The following CDH13 variants were observed in gnomAD, a reference collection of about 807,000 sequenced individuals.
The protein encoded by CDH13 is cadherin 13.
Under a neutral mutation model 63.8 loss-of-function variants are expected in CDH13, and 24 were observed. The observed-to-expected ratio is 0.38, with a 90% CI of 0.27 to 0.53. The LOEUF (loss-of-function observed/expected upper bound fraction) is 0.53. Among genes scored for constraint, CDH13 ranks in the 20% least tolerant of loss-of-function variants. CDH13 has a pLI of 0.85. For missense variants in CDH13, 1,049 were observed against 903.1 expected, an observed-to-expected ratio of 1.16 and a Z score of -2.07; for synonymous variants, 503 against 355.3, an observed-to-expected ratio of 1.42 and a Z score of -4.67.
chr16:83,681,579 C>A (rs552715340), intron 10 of CDH13, among the ~76,000 whole-genome samples: 2 of 152,148 alleles, frequency 1.3e-5, no homozygotes, highest in African/African-American at 4.8e-5. Context: ...TTCACTCCCT[C>A]CTACCCACCT....
chr16:82,800,797 G>A (rs920807639), intron 1 of CDH13, among the ~76,000 whole-genome samples: 2 of 152,134 alleles, frequency 1.3e-5, no homozygotes, highest in African/African-American at 4.8e-5. Context: ...TCTGGTATTT[G>A]GGAGTCTCAG....
At chr16:83,643,805 C>G (rs1123321) in intron 8 of CDH13, among the ~76,000 whole-genome samples, 42,126 of 152,084 alleles carry the variant, frequency 0.28, 5,900 homozygotes, top group South Asian at 0.36. Flanking sequence ...TTACGTTAAT[C>G]ATAATGTCAA....
At chr16:83,074,473 C>T (rs1474363425) in intron 3 of CDH13, among the ~76,000 whole-genome samples, 3 of 151,984 alleles carry the variant, frequency 2.0e-5, no homozygotes, top group Non-Finnish European at 2.9e-5. Flanking sequence ...TGCATGTATC[C>T]CTTTGATAGA....
At chr16:82,988,891 A>G (rs1264448552) in intron 2 of CDH13, among the ~76,000 whole-genome samples, 5 of 152,144 alleles carry the variant, frequency 3.3e-5, no homozygotes, top group East Asian at 1.9e-4. Flanking sequence ...CAGAGAGGAC[A>G]TCAGGTCAGA....
intron 4 of CDH13, among the ~76,000 whole-genome samples, chr16:83,149,609 A>G (rs2151691686): frequency 6.6e-6 from 1 of 152,302 alleles, no homozygotes; most frequent in East Asian, 1.9e-4. Context: ...TTTTGTGTAT[A>G]TCACTAAACA....
At chr16:82,909,232 A>G (rs1335242499) in intron 2 of CDH13, among the ~76,000 whole-genome samples, 1 of 149,690 alleles carries the variant, frequency 6.7e-6, no homozygotes, top group East Asian at 2.0e-4. Context: ...GAACCCACAG[A>G]AACTGAGGAC....
At chr16:83,157,717 A>G (rs962173030) in intron 4 of CDH13, among the ~76,000 whole-genome samples, 2 of 148,168 alleles carry the variant, frequency 1.3e-5, no homozygotes, top group African/African-American at 5.0e-5. Flanking sequence ...ACAGGGTGAA[A>G]CCCCGTCTCT....
intron 10 of CDH13, among the ~76,000 whole-genome samples, chr16:83,714,785 C>T (rs748785944): frequency 6.6e-6 from 1 of 152,050 alleles, no homozygotes; most frequent in Non-Finnish European, 1.5e-5. Flanking sequence ...TGGGAAATGC[C>T]TTCTTAATCT....
intron 3 of CDH13, among the ~76,000 whole-genome samples, chr16:83,104,434 A>G (rs1225769294): frequency 6.6e-6 from 1 of 152,214 alleles, no homozygotes; most frequent in Non-Finnish European, 1.5e-5. Context: ...GAGAAGAGAG[A>G]GGCCAATGAA....
intron 2 of CDH13, among the ~76,000 whole-genome samples, chr16:82,967,319 T>C (rs1271946791): frequency 4.6e-5 from 7 of 152,118 alleles, no homozygotes; most frequent in South Asian, 2.1e-4. Context: ...GCCCTCCCTT[T>C]ATAGCTCTAA....
At chr16:82,635,791 AG>A (rs1908580820) in intron 1 of CDH13, among the ~76,000 whole-genome samples, 1 of 152,176 alleles carries the variant, frequency 6.6e-6, no homozygotes, top group Non-Finnish European at 1.5e-5. Context: ...GGTGAAGCCC[AG>A]TGGGAGGTGA....
At chr16:82,762,125 G>A (rs915503432) in intron 1 of CDH13, among the ~76,000 whole-genome samples, 105 of 152,104 alleles carry the variant, frequency 6.9e-4, no homozygotes, top group African/African-American at 2.4e-3. Context: ...TGGACTGCTG[G>A]CTGCAGTCCC....
chr16:83,667,803 A>C (rs971152756), intron 8 of CDH13, among the ~76,000 whole-genome samples: 39 of 151,804 alleles, frequency 2.6e-4, no homozygotes, highest in African/African-American at 9.2e-4. Flanking sequence ...GACGACAGGC[A>C]CGTGCCACCA....
chr16:82,959,687 C>A (rs1906665531), intron 2 of CDH13, among the ~76,000 whole-genome samples: 1 of 152,278 alleles, frequency 6.6e-6, no homozygotes, highest in African/African-American at 2.4e-5. Context: ...GATTAACAAC[C>A]CAAATTCCAC....
chr16:83,627,660 C>T (rs1910433155), intron 8 of CDH13, among the ~76,000 whole-genome samples: 1 of 152,156 alleles, frequency 6.6e-6, no homozygotes, highest in African/African-American at 2.4e-5. Flanking sequence ...AACCAATCCT[C>T]TCACCTCAGC....
At chr16:83,356,918 C>G (rs1908073766) in intron 6 of CDH13, among the ~76,000 whole-genome samples, 1 of 152,156 alleles carries the variant, frequency 6.6e-6, no homozygotes, top group Non-Finnish European at 1.5e-5. Context: ...TGGCTCTTTT[C>G]AAAGAAGTGT....
intron 5 of CDH13, among the ~76,000 whole-genome samples, chr16:83,312,606 C>A (rs1283870761): frequency 6.6e-6 from 1 of 152,120 alleles, no homozygotes; most frequent in Non-Finnish European, 1.5e-5. Flanking sequence ...GTGACTGACA[C>A]CCCTGCCAGG....
chr16:82,824,083 G>C (rs1253533959), intron 1 of CDH13: 1 of 152,166 alleles, frequency 6.6e-6, no homozygotes. Flanking sequence ...CCAAGAAGCA[G>C]AGAGGCTATG....
At chr16:82,954,751 G>GA (rs35155803) in intron 2 of CDH13, 38,830 of 143,856 alleles carry the variant, frequency 0.27, 6,653 homozygotes, top group East Asian at 0.69. Context: ...AAATCTCCTG[G>GA]AAAAAAAAAA....
Sources: allele counts gnomAD v4.1 joint callset (sites outside exome capture counted in the v4.1 genomes callset), GRCh38; gene constraint gnomAD v4.1.1; transcripts MANE v1.5; gene names NCBI Gene and HGNC (gene_info 2026-07-23, HGNC 2026-07-21).